USP48: variants seen among roughly 807,000 people sequenced by gnomAD.
USP48 encodes the protein ubiquitin specific peptidase 48.
In USP48, 43 loss-of-function variants were observed where a neutral mutation model predicts 150.7. The ratio of observed to expected loss-of-function variants is 0.29; its 90% confidence interval spans 0.22 to 0.37. USP48 has a LOEUF of 0.37. Among genes scored for constraint, USP48 ranks in the 10% least tolerant of loss-of-function variants. The pLI is 1.00. For missense variants in USP48, 813 were observed against 1,249.6 expected (o/e 0.65, Z 5.27); for synonymous variants, 396 against 425.9 (o/e 0.93, Z 0.86).
At chr1:21,717,508 G>T (rs1439730253) in intron 14 of USP48, among the ~76,000 whole-genome samples, 1 of 151,794 alleles carries the variant, frequency 6.6e-6, no homozygotes, top group Non-Finnish European at 1.5e-5. Flanking sequence ...ATGGGCAAAG[G>T]AAGGATACAA....
intron 15 of USP48, 95 bp from the exon 16 acceptor site, chr1:21,706,963 G>T: frequency 7.3e-7 from 1 of 1,361,240 alleles, no homozygotes; most frequent in Non-Finnish European, 9.9e-7. Flanking sequence ...AAATCCACAG[G>T]TACGCTTTTC....
At chr1:21,755,804 G>A (rs1372629388) in intron 3 of USP48, among the ~76,000 whole-genome samples, 1 of 152,088 alleles carries the variant, frequency 6.6e-6, no homozygotes, top group Non-Finnish European at 1.5e-5. Flanking sequence ...ACCGAGACAG[G>A]AGGACTGCTT....
intron 8 of USP48, among the ~76,000 whole-genome samples, chr1:21,746,293 A>G (rs921602455): frequency 1.3e-5 from 2 of 152,098 alleles, no homozygotes; most frequent in African/African-American, 4.8e-5. Context: ...TGAGGCCAGG[A>G]GTTTGAGACC....
rs758608586 is a variant in USP48, at chr1:21,729,690, G to T, written c.1300+14C>A. The T allele has an allele frequency of 1.2e-6, 2 of 1,611,476 alleles. No homozygotes were observed. The highest frequency in any genetic ancestry group is 8.5e-7 in the Non-Finnish European group (1 of 1,178,206). Reference sequence around the variant, plus strand: ...AAAACATTTGCCTGCTATAATCCTGGAAAACTGCTTTACCTGGAACTTGAA... The same window carrying T: ...AAAACATTTGCCTGCTATAATCCTGTAAAACTGCTTTACCTGGAACTTGAA... On this transcript the variant is annotated intron_variant, in intron 10 of 26. Transcript: ENST00000308271.
At chr1:21,759,877 C>T (rs760255534) in intron 1 of USP48, among the ~76,000 whole-genome samples, 2 of 152,138 alleles carry the variant, frequency 1.3e-5, no homozygotes, top group Admixed American at 6.6e-5. Flanking sequence ...CGGATGCTAA[C>T]GTAGGCAAGT....
chr1:21,701,422 A>G (rs571009196), intron 22 of USP48, 76 bp downstream of exon 22: 8 of 1,279,758 alleles, frequency 6.3e-6, no homozygotes, highest in Admixed American at 1.7e-5. Flanking sequence ...GTACAGAGAC[A>G]TGGCCAGGGG....
At chr1:21,685,751 C>T (rs959359297) in intron 25 of USP48, 2 of 152,070 alleles carry the variant, frequency 1.3e-5, no homozygotes, top group Non-Finnish European at 2.9e-5. Context: ...TTTTTGTATC[C>T]TGCAATTTTA....
At chr1:21,778,352 G>C (rs1221412099) in intron 1 of USP48, among the ~76,000 whole-genome samples, 1 of 152,030 alleles carries the variant, frequency 6.6e-6, no homozygotes, top group Non-Finnish European at 1.5e-5. Context: ...GCACCCACTA[G>C]GATGGCTAAA....
chr1:21,715,095 C>T, intron 15 of USP48: 1 of 293,096 alleles, frequency 3.4e-6, no homozygotes, highest in Non-Finnish European at 6.4e-6. Flanking sequence ...CATAGATAGC[C>T]CTAACAAGAT....
intron 1 of USP48, among the ~76,000 whole-genome samples, chr1:21,777,678 A>C (rs963238293): frequency 6.6e-6 from 1 of 152,162 alleles, no homozygotes; most frequent in Non-Finnish European, 1.5e-5. Flanking sequence ...ACTGATAAGA[A>C]TAAGAAGGCG....
chr1:21,774,146 TCCAGCC>T (rs2097890437), intron 1 of USP48, among the ~76,000 whole-genome samples: 1 of 150,828 alleles, frequency 6.6e-6, no homozygotes, highest in African/African-American at 2.4e-5. Context: ...GCCACTGCAC[TCCAGCC>T]TGGGTGACAG....
rs34374350 is a variant in USP48, at chr1:21,777,972, CAAA to C, written c.134+4849_134+4851del. On this transcript the variant is annotated intron_variant, in intron 1 of 26. Coordinates refer to ENST00000308271, the MANE Select transcript of USP48 (RefSeq NM_032236.8). Reference sequence around the variant, plus strand: ...GAAACCCCGTCTCTACTAAATATACCAAAAAAAAAAAAAAAAAAAAATTAGCTA... The same window carrying C: ...GAAACCCCGTCTCTACTAAATATACCAAAAAAAAAAAAAAAAAATTAGCTA... Among the ~76,000 whole-genome samples, 526 of 118,882 alleles carry C rather than the reference CAAA, an allele frequency of 4.4e-3. 2 individuals carry two copies. The highest frequency in any genetic ancestry group is 7.8e-3 in the South Asian group (28 of 3,594). The allele number at this position is 118,882 out of a possible 152,430, so 78.0% of individuals were successfully genotyped here.
chr1:21,757,927 TGGA>T (rs2097840910), intron 1 of USP48, 144 bp from the exon 2 acceptor site: 2 of 1,085,066 alleles, frequency 1.8e-6, no homozygotes, highest in South Asian at 2.0e-5. Flanking sequence ...TGTGAGGGTG[TGGA>T]GAAGAAAGCA....
At chr1:21,694,518 C>G (rs79053558) in intron 23 of USP48, among the ~76,000 whole-genome samples, 7,292 of 125,140 alleles carry the variant, frequency 0.058, 223 homozygotes, top group Middle Eastern at 0.092. Flanking sequence ...TGCAGTGAGC[C>G]AAGATGGCAC....
chr1:21,750,983 C>CAGCT (rs199737612), intron 6 of USP48, among the ~76,000 whole-genome samples: 2,265 of 152,014 alleles, frequency 0.015, 51 homozygotes, highest in African/African-American at 0.05. Context: ...TATCTGAAGA[C>CAGCT]AGCTAGCTAG....
At chr1:21,699,993 C>T (rs1157512686) in intron 22 of USP48, among the ~76,000 whole-genome samples, 3 of 146,112 alleles carry the variant, frequency 2.1e-5, no homozygotes, top group African/African-American at 7.5e-5. Flanking sequence ...TGTCTGCAAA[C>T]GCTTGTGGAG....
At chr1:21,726,018 A>C (rs1050997194) in intron 11 of USP48, among the ~76,000 whole-genome samples, 5 of 152,176 alleles carry the variant, frequency 3.3e-5, no homozygotes, top group African/African-American at 1.2e-4. Flanking sequence ...GGTAAGCAAT[A>C]TGAAGGCTAT....
chr1:21,762,899 C>T (rs1394983057), intron 1 of USP48, among the ~76,000 whole-genome samples: 1 of 151,356 alleles, frequency 6.6e-6, no homozygotes, highest in East Asian at 1.9e-4. Context: ...TTCACACGAC[C>T]TGGCTGGGGA....
rs370981411 is a variant in USP48 at position 21,777,243 on chromosome 1, T to C, written c.134+5581A>G. The stretch of plus-strand genomic sequence containing the variant: ...AGGCAGAGGTTGCATTGAGCCAAGA[T>C]TGCACCACTGTACTCCAGCCTGGGC... On this transcript the variant is annotated intron_variant, in intron 1 of 26. Transcript: ENST00000308271. 6.4e-4 allele frequency among the ~76,000 whole-genome samples: 98 copies of C among 152,184 alleles called. 3 individuals carry two copies. In the South Asian group the frequency reaches 0.018, roughly 28 times the overall value.
Sources: gnomAD v4.1 joint callset for allele counts (sites outside exome capture counted in the v4.1 genomes callset) on GRCh38, gnomAD v4.1.1 for gene constraint, MANE v1.5 for transcripts, NCBI Gene and HGNC (gene_info 2026-07-23, HGNC 2026-07-21) for gene names.